Variants in CTSH observed in about 807,000 individuals in gnomAD.
The protein encoded by CTSH is cathepsin H, also known as pro-cathepsin H.
In CTSH, 52 loss-of-function variants were observed where a neutral mutation model predicts 56.3. That is an observed-to-expected ratio of 0.92 (90% CI 0.74 to 1.16). The LOEUF is 1.16. Among genes scored for constraint, CTSH ranks in the 50% most tolerant of loss-of-function variants. CTSH has a pLI of 0.00. For missense variants in CTSH, 406 were observed against 424.5 expected, an observed-to-expected ratio of 0.96 and a Z score of 0.38; for synonymous variants, 174 against 155.7, an observed-to-expected ratio of 1.12 and a Z score of -0.88.
chr15:78,937,530 T>G (rs542370263), intron 2 of CTSH, 107 bp from the exon 3 acceptor site: 1 of 1,359,562 alleles, frequency 7.4e-7, no homozygotes, highest in Non-Finnish European at 1.0e-6. Context: ...CTTTCTGCTA[T>G]GATTCTCAGG....
rs747536524 is a variant in CTSH at position 78,923,031 on chromosome 15, G to A, written c.894C>T (p.Ile298=). 7 of 1,612,546 alleles carry A rather than the reference G, an allele frequency of 4.3e-6. No homozygotes were observed. Among genetic ancestry groups the A allele is most frequent in the East Asian group, 4.5e-5 (2 of 44,742 alleles). Reference sequence around the variant, plus strand: ...ACTGGGGACCCCAAGAGTTTTTCACGATCCAGTAAGGGATCCCATTTTTTT... The same window carrying A: ...ACTGGGGACCCCAAGAGTTTTTCACAATCCAGTAAGGGATCCCATTTTTTT... The part of the protein sequence containing the change: ...YGEKNGIPYW[I]VKNSWGPQWG... Residue 298 remains isoleucine, a synonymous_variant, in exon 11 of 12, where the codon ATC becomes ATT. Transcript: ENST00000220166.
Position 78,922,068 on chromosome 15 carries a change from A to G in CTSH, c.*62T>C. 6.8e-7 allele frequency: 1 copy of G among 1,480,388 alleles called. No homozygotes were observed. Among genetic ancestry groups the G allele is most frequent in the African/African-American group, 1.4e-5 (1 of 71,690 alleles). 91.7% of individuals were successfully genotyped at this position (1,480,388 alleles called of 1,614,324 possible). A position where few individuals can be genotyped will look rare whatever the true frequency, so the allele number is the denominator to read the frequency against. ...CAACTTCCTCCAGGGCAGGATTTCC[A>G]CCCAGGCCCAGGCTGCCCGTTCCTC... On this transcript the variant is annotated 3_prime_UTR_variant, in exon 12 of 12. Coordinates refer to ENST00000220166, the MANE Select transcript of CTSH (RefSeq NM_004390.5).
rs77180290 is a variant in CTSH, at chr15:78,944,298, G to A, written c.91+593C>T. Among the ~76,000 whole-genome samples, 103 of 152,332 alleles carry A rather than the reference G, an allele frequency of 6.8e-4. No individual in the cohort carries two copies. The East Asian group carries it at 0.018, about 26-fold the overall frequency. On this transcript the variant is annotated intron_variant, in intron 1 of 11. Coordinates refer to ENST00000220166, the MANE Select transcript of CTSH (RefSeq NM_004390.5). ...AGGGCAGCACGAAGCTGGACCAGTC[G>A]CAGCCAATCTGGCCAACAAGAGGAG...
chr15:78,939,251 T>C, intron 1 of CTSH, 80 bp from the exon 2 acceptor site: 1 of 1,200,990 alleles, frequency 8.3e-7, no homozygotes, highest in Non-Finnish European at 1.2e-6. Context: ...ACTTTAGAAC[T>C]GATTTGCATT....
chr15:78,929,195 G>A (rs2054990293), intron 8 of CTSH, among the ~76,000 whole-genome samples: 1 of 152,160 alleles, frequency 6.6e-6, no homozygotes, highest in Non-Finnish European at 1.5e-5. Flanking sequence ...CGCAGAGCGG[G>A]TATGGGGTGA....
In CTSH at chr15:78,939,140, C is replaced by CT; in HGVS notation, c.122dup (p.His42AlafsTer3). The stretch of plus-strand genomic sequence containing the variant: ...CAAAAAGAAGAAGTTGGGCACTGAC[C>CT]TTAGACATCCATGACTTGAAGTGAA... On this transcript the variant is annotated frameshift_variant and splice_region_variant, in exon 2 of 12. Coordinates refer to ENST00000220166, the MANE Select transcript of CTSH (RefSeq NM_004390.5). LOFTEE classifies it high-confidence loss of function. The CT allele has an allele frequency of 6.3e-7, 1 of 1,597,014 alleles. No homozygotes were observed. Among genetic ancestry groups the CT allele is most frequent in the Non-Finnish European group, 8.5e-7 (1 of 1,173,966 alleles).
chr15:78,941,771 G>C (rs1303061682), intron 1 of CTSH, among the ~76,000 whole-genome samples: 1 of 150,002 alleles, frequency 6.7e-6, no homozygotes, highest in Non-Finnish European at 1.5e-5. Context: ...ACTCCAGCCT[G>C]GGCGACAGAA....
chr15:78,943,534 A>G (rs113881267), intron 1 of CTSH, among the ~76,000 whole-genome samples: 2,984 of 152,156 alleles, frequency 0.02, 89 homozygotes, highest in African/African-American at 0.069. Context: ...CCGGTCCCTG[A>G]CTCCTGTTTT....
chr15:78,930,102 G>C (rs1001132690), intron 7 of CTSH, among the ~76,000 whole-genome samples: 21 of 152,330 alleles, frequency 1.4e-4, no homozygotes, highest in African/African-American at 5.1e-4. Flanking sequence ...CTCTGAGCCT[G>C]CCAGAATGCC....
Position 78,931,447 on chromosome 15 carries a change from G to C in CTSH, c.548+4C>G. ...TTTTGGGCCCCTTCTGGTCAGAGAC[G>C]TACCCTTGGCAGCCGTGATTATTGA... On this transcript the variant is annotated splice_donor_region_variant and intron_variant, in intron 7 of 11. Coordinates refer to ENST00000220166, the MANE Select transcript of CTSH (RefSeq NM_004390.5). The C allele has an allele frequency of 1.9e-6, 3 of 1,614,172 alleles. No individual in the cohort carries two copies. The highest frequency in any genetic ancestry group is 2.5e-6 in the Non-Finnish European group (3 of 1,180,026).
At chr15:78,924,099 G>A (rs76098042) in intron 10 of CTSH, among the ~76,000 whole-genome samples, 1 of 90,074 alleles carries the variant, frequency 1.1e-5, no homozygotes. Flanking sequence ...AACCCAGCGG[G>A]GGGGGGGGGG....
In CTSH at chr15:78,921,939, A is replaced by G. The variant is rs1596263553; in HGVS notation, c.*191T>C. 2 of 595,104 alleles carry G rather than the reference A, an allele frequency of 3.4e-6. No homozygotes were observed. The highest frequency in any genetic ancestry group is 3.7e-5 in the African/African-American group (2 of 53,950). The allele number at this position is 595,104 out of a possible 1,614,324, so 36.9% of individuals were successfully genotyped here. A position where few individuals can be genotyped will look rare whatever the true frequency, so the allele number is the denominator to read the frequency against. ...GCACATGGCTGGTGATCTTTGCGTCATAGACACGGGTGAGCTCATGGTGGA... is the reference window on the plus strand; with the variant it reads ...GCACATGGCTGGTGATCTTTGCGTCGTAGACACGGGTGAGCTCATGGTGGA... On this transcript the variant is annotated 3_prime_UTR_variant, in exon 12 of 12. Coordinates refer to ENST00000220166, the MANE Select transcript of CTSH (RefSeq NM_004390.5).
At chr15:78,925,657 C>A in intron 9 of CTSH, 1 of 490,310 alleles carries the variant, frequency 2.0e-6, no homozygotes, top group South Asian at 2.0e-5. Context: ...AAACCCTGCA[C>A]CCTCTGAGAT....
At chr15:78,928,589 A>G (rs1383303616) in intron 8 of CTSH, among the ~76,000 whole-genome samples, 3 of 105,654 alleles carry the variant, frequency 2.8e-5, no homozygotes, top group South Asian at 2.6e-4. Flanking sequence ...AAAAAAAAAA[A>G]GAAGGGAGAG....
Position 78,937,346 on chromosome 15 carries a change from G to A in CTSH, c.201C>T (p.Ala67=). The A allele has an allele frequency of 1.2e-6, 2 of 1,614,058 alleles. No homozygotes were observed. Among genetic ancestry groups the A allele is most frequent in the Non-Finnish European group, 1.7e-6 (2 of 1,179,972 alleles). The change falls in exon 3 of 12, where the codon GCC becomes GCT. Residue 67 remains alanine, a synonymous_variant. Coordinates refer to ENST00000220166, the MANE Select transcript of CTSH (RefSeq NM_004390.5). ...TFASNWRKIN[A]HNNGNHTFKM... is the part of the protein sequence containing the mutation. ...TAAATGTGTGGTTCCCATTGTTGTG[G>A]GCGTTTATCTTCCTCCAGTTGCTGG...
intron 2 of CTSH, among the ~76,000 whole-genome samples, chr15:78,938,386 T>G (rs2055221145): frequency 6.6e-6 from 1 of 152,078 alleles, no homozygotes; most frequent in Non-Finnish European, 1.5e-5. Flanking sequence ...AAAAAATATT[T>G]TGTACTCAGG....
chr15:78,925,940 TG>T (rs2054894641), intron 9 of CTSH: 1 of 159,328 alleles, frequency 6.3e-6, no homozygotes, highest in African/African-American at 2.4e-5. Flanking sequence ...GGTGGCTTCC[TG>T]GAGGCTGCAG....
chr15:78,923,095 T>G lies in CTSH; in HGVS notation c.830A>C (p.Asp277Ala). The G allele has an allele frequency of 1.2e-6, 2 of 1,612,630 alleles. No individual in the cohort carries two copies. Among genetic ancestry groups the G allele is most frequent in the Non-Finnish European group, 1.7e-6 (2 of 1,179,646 alleles). ...AGCCAGTACTGCATGGTTTACTTTA[T>G]CTGGAGTTTTATGGCAGGAAGTACT... is the stretch of plus-strand genomic sequence containing the variant. ...YSSTSCHKTP[D>A]KVNHAVLAVG... Residue 277 changes from aspartate to alanine, a missense_variant, in exon 11 of 12, where the codon GAT becomes GCT. Asp to Ala is a moderately radical substitution (Grantham distance 126). Transcript: ENST00000220166.
chr15:78,941,617 C>T (rs2055294214), intron 1 of CTSH, among the ~76,000 whole-genome samples: 1 of 151,398 alleles, frequency 6.6e-6, no homozygotes, highest in Non-Finnish European at 1.5e-5. Flanking sequence ...ACGGTGAAAC[C>T]CCAACTCTAC....
Sources: gnomAD v4.1 joint callset for allele counts (sites outside exome capture counted in the v4.1 genomes callset) on GRCh38, gnomAD v4.1.1 for gene constraint, MANE v1.5 for transcripts, NCBI Gene and HGNC (gene_info 2026-07-23, HGNC 2026-07-21) for gene names.